GALNTL6: variants seen among roughly 807,000 people sequenced by gnomAD.
The protein encoded by GALNTL6 is polypeptide N-acetylgalactosaminyltransferase like 6.
Under a neutral mutation model 73.7 loss-of-function variants are expected in GALNTL6, and 46 were observed. That is an observed-to-expected ratio of 0.62 (90% CI 0.49 to 0.80). The LOEUF is 0.80. Among genes scored for constraint, GALNTL6 ranks in the 30% least tolerant of loss-of-function variants. The pLI is 0.00. For synonymous variants in GALNTL6, 259 were observed against 263.7 expected (o/e 0.98, Z 0.17); for missense variants, 604 against 755.0 (o/e 0.80, Z 2.34).
intron 4 of GALNTL6, among the ~76,000 whole-genome samples, chr4:172,342,377 C>T (rs1348529751): frequency 6.6e-6 from 1 of 152,136 alleles, no homozygotes; most frequent in Non-Finnish European, 1.5e-5. Context: ...GCTCGTGTTA[C>T]CTCCTGTGTA....
chr4:172,626,285 C>T (rs1306263324), intron 5 of GALNTL6, among the ~76,000 whole-genome samples: 4 of 152,062 alleles, frequency 2.6e-5, no homozygotes, highest in African/African-American at 9.7e-5. Context: ...GTCCTTTCCA[C>T]TTGCTTATTT....
At chr4:172,359,668 G>A (rs1742295712) in intron 5 of GALNTL6, among the ~76,000 whole-genome samples, 1 of 152,118 alleles carries the variant, frequency 6.6e-6, no homozygotes, top group South Asian at 2.1e-4. Context: ...CACCAGGGGT[G>A]ATCTTAATTT....
intron 5 of GALNTL6, among the ~76,000 whole-genome samples, chr4:172,441,011 G>A (rs1731818156): frequency 6.6e-6 from 1 of 151,964 alleles, no homozygotes; most frequent in African/African-American, 2.4e-5. Flanking sequence ...CCCATTCTAA[G>A]GTTCAAAAAT....
intron 2 of GALNTL6, among the ~76,000 whole-genome samples, chr4:172,190,042 A>G (rs926978783): frequency 6.6e-6 from 1 of 152,194 alleles, no homozygotes; most frequent in African/African-American, 2.4e-5. Context: ...AGTTTGGGAC[A>G]ATTTATAGTC....
chr4:172,101,954 A>G (rs1259730391), intron 2 of GALNTL6, among the ~76,000 whole-genome samples: 2 of 152,132 alleles, frequency 1.3e-5, no homozygotes, highest in African/African-American at 4.8e-5. Flanking sequence ...AACAAATCCT[A>G]GTCTTGAGTT....
At chr4:172,067,201 A>C (rs1731391916) in intron 2 of GALNTL6, among the ~76,000 whole-genome samples, 1 of 151,970 alleles carries the variant, frequency 6.6e-6, no homozygotes, top group Admixed American at 6.6e-5. Flanking sequence ...GGCACAATAA[A>C]ACAAGAAATC....
intron 2 of GALNTL6, among the ~76,000 whole-genome samples, chr4:171,931,994 T>C (rs1738199058): frequency 6.6e-6 from 1 of 152,204 alleles, no homozygotes; most frequent in Non-Finnish European, 1.5e-5. Context: ...AAGTAATAAC[T>C]GATAGAACTG....
chr4:172,351,369 C>A (rs544177555), intron 5 of GALNTL6, among the ~76,000 whole-genome samples: 140 of 152,144 alleles, frequency 9.2e-4, no homozygotes, highest in South Asian at 4.1e-3. Flanking sequence ...GGCCAATAAG[C>A]TACTATAAGC....
At chr4:172,911,276 T>C (rs1345212235) in intron 8 of GALNTL6, among the ~76,000 whole-genome samples, 2 of 152,230 alleles carry the variant, frequency 1.3e-5, no homozygotes, top group Non-Finnish European at 2.9e-5. Flanking sequence ...GTACACATGG[T>C]TTTGTTAGAA....
At chr4:172,292,014 TGTTCAA>T (rs1476034084) in intron 3 of GALNTL6, among the ~76,000 whole-genome samples, 1 of 152,148 alleles carries the variant, frequency 6.6e-6, no homozygotes, top group Admixed American at 6.6e-5. Flanking sequence ...CCAAATTATC[TGTTCAA>T]GTTCAACACT....
At chr4:172,451,373 T>TC (rs1163704900) in intron 5 of GALNTL6, among the ~76,000 whole-genome samples, 2 of 152,232 alleles carry the variant, frequency 1.3e-5, no homozygotes, top group Non-Finnish European at 2.9e-5. Flanking sequence ...AATGTTCACA[T>TC]ATTAAATTAT....
At chr4:171,889,383 G>T (rs758044897) in intron 2 of GALNTL6, among the ~76,000 whole-genome samples, 1 of 151,804 alleles carries the variant, frequency 6.6e-6, no homozygotes, top group Non-Finnish European at 1.5e-5. Flanking sequence ...TTCATCTTTG[G>T]ATTCATATCA....
intron 2 of GALNTL6, among the ~76,000 whole-genome samples, chr4:171,895,316 G>A (rs1024517184): frequency 6.6e-6 from 1 of 152,134 alleles, no homozygotes; most frequent in Non-Finnish European, 1.5e-5. Context: ...TCCCTTGCGT[G>A]AAAAAAGCTC....
intron 7 of GALNTL6, among the ~76,000 whole-genome samples, chr4:172,846,261 A>C (rs2111096600): frequency 6.6e-6 from 1 of 152,360 alleles, no homozygotes; most frequent in African/African-American, 2.4e-5. Context: ...TTAACCAAAA[A>C]GCTTAAAACT....
At chr4:172,916,584 G>A (rs1449668475) in intron 8 of GALNTL6, among the ~76,000 whole-genome samples, 1 of 152,148 alleles carries the variant, frequency 6.6e-6, no homozygotes, top group Non-Finnish European at 1.5e-5. Context: ...AAAATCACAA[G>A]CATTCCTATA....
At chr4:171,929,186 C>T (rs1215298162) in intron 2 of GALNTL6, among the ~76,000 whole-genome samples, 2 of 152,070 alleles carry the variant, frequency 1.3e-5, no homozygotes, top group East Asian at 1.9e-4. Context: ...CCCATCTCAA[C>T]CTCCCAAGTA....
At chr4:172,711,273 A>C (rs754799963) in intron 5 of GALNTL6, among the ~76,000 whole-genome samples, 1 of 152,180 alleles carries the variant, frequency 6.6e-6, no homozygotes, top group African/African-American at 2.4e-5. Context: ...CGCCGCGTAC[A>C]CATGTCTTAG....
chr4:172,724,629 C>T (rs1407972228), intron 5 of GALNTL6, among the ~76,000 whole-genome samples: 1 of 152,058 alleles, frequency 6.6e-6, no homozygotes, highest in Non-Finnish European at 1.5e-5. Context: ...TCCTGACACA[C>T]AGCAAGACCT....
intron 5 of GALNTL6, among the ~76,000 whole-genome samples, chr4:172,733,730 G>T (rs1736287399): frequency 6.6e-6 from 1 of 152,150 alleles, no homozygotes; most frequent in African/African-American, 2.4e-5. Flanking sequence ...CGCCATGATT[G>T]TGAGGCCTCC....
Sources: gnomAD v4.1 joint callset for allele counts (sites outside exome capture counted in the v4.1 genomes callset) on GRCh38, gnomAD v4.1.1 for gene constraint, MANE v1.5 for transcripts, NCBI Gene and HGNC (gene_info 2026-07-23, HGNC 2026-07-21) for gene names.